WDFY2: variants seen among roughly 807,000 people sequenced by gnomAD.
WDFY2 encodes the protein WD repeat and FYVE domain-containing protein 2.
In WDFY2, 36 loss-of-function variants were observed where a neutral mutation model predicts 56.4. The observed-to-expected ratio is 0.64, with a 90% CI of 0.49 to 0.84. The LOEUF is 0.84. Among genes scored for constraint, WDFY2 ranks in the 40% least tolerant of loss-of-function variants. WDFY2 has a pLI of 0.00. For synonymous variants in WDFY2, 176 were observed against 183.7 expected, an observed-to-expected ratio of 0.96 and a Z score of 0.34; for missense variants, 444 against 512.2, an observed-to-expected ratio of 0.87 and a Z score of 1.29.
At chr13:51,585,047 C>T (rs1218656608) in intron 1 of WDFY2, among the ~76,000 whole-genome samples, 1 of 152,230 alleles carries the variant, frequency 6.6e-6, no homozygotes, top group Admixed American at 6.5e-5. Context: ...CCGGCTTCAC[C>T]CCGGGCTGGG....
intron 1 of WDFY2, among the ~76,000 whole-genome samples, chr13:51,643,412 T>C (rs1955211116): frequency 6.6e-6 from 1 of 152,214 alleles, no homozygotes; most frequent in African/African-American, 2.4e-5. Flanking sequence ...TGCCTGCCAC[T>C]GTAACTGGCT....
At chr13:51,693,370 C>G (rs1193156519) in intron 3 of WDFY2, among the ~76,000 whole-genome samples, 1 of 151,536 alleles carries the variant, frequency 6.6e-6, no homozygotes, top group Non-Finnish European at 1.5e-5. Context: ...CCCAGAGATT[C>G]TGGTATGTTG....
chr13:51,706,724 A>G (rs1011406448), intron 4 of WDFY2, among the ~76,000 whole-genome samples: 2 of 152,234 alleles, frequency 1.3e-5, no homozygotes, highest in Non-Finnish European at 2.9e-5. Context: ...GTTACTTGCT[A>G]GAAATCAATG....
intron 1 of WDFY2, among the ~76,000 whole-genome samples, chr13:51,611,717 C>T (rs934478319): frequency 2.0e-5 from 3 of 152,096 alleles, no homozygotes; most frequent in Admixed American, 1.3e-4. Context: ...ATTCCCTTTG[C>T]CAGGGGTTTG....
intron 7 of WDFY2, among the ~76,000 whole-genome samples, chr13:51,741,098 A>C (rs1952964065): frequency 6.6e-6 from 1 of 152,212 alleles, no homozygotes; most frequent in Non-Finnish European, 1.5e-5. Flanking sequence ...GAAAAATAAA[A>C]CTTTAACAAA....
At chr13:51,623,441 C>G (rs1954779692) in intron 1 of WDFY2, among the ~76,000 whole-genome samples, 1 of 152,018 alleles carries the variant, frequency 6.6e-6, no homozygotes, top group African/African-American at 2.4e-5. Context: ...ATGAGTTTAG[C>G]ACCTAATTCA....
intron 1 of WDFY2, among the ~76,000 whole-genome samples, chr13:51,658,767 C>G (rs968625349): frequency 6.6e-6 from 1 of 152,042 alleles, no homozygotes; most frequent in Non-Finnish European, 1.5e-5. Flanking sequence ...AAGTTATTTA[C>G]CATTGTATCT....
At chr13:51,671,887 G>T (rs1219229005) in intron 2 of WDFY2, among the ~76,000 whole-genome samples, 4 of 148,172 alleles carry the variant, frequency 2.7e-5, no homozygotes, top group African/African-American at 1.0e-4. Flanking sequence ...GGATTCAAGC[G>T]ATTCTCGTGC....
chr13:51,651,496 A>C (rs1406368716), intron 1 of WDFY2, among the ~76,000 whole-genome samples: 1 of 151,962 alleles, frequency 6.6e-6, no homozygotes, highest in Non-Finnish European at 1.5e-5. Flanking sequence ...TAGTTGTTTT[A>C]ATTGTGATGT....
intron 7 of WDFY2, among the ~76,000 whole-genome samples, chr13:51,744,482 G>A (rs550176299): frequency 3.3e-5 from 5 of 152,338 alleles, no homozygotes; most frequent in African/African-American, 1.2e-4. Context: ...CTCACACTTG[G>A]TTTAATGAGC....
chr13:51,675,990 G>T (rs907458391), intron 3 of WDFY2, among the ~76,000 whole-genome samples: 4 of 152,272 alleles, frequency 2.6e-5, no homozygotes, highest in East Asian at 3.9e-4. Context: ...GGCGAGAGAA[G>T]CCCTGCTTCA....
At chr13:51,702,068 T>C (rs1387948973) in intron 3 of WDFY2, among the ~76,000 whole-genome samples, 1 of 152,072 alleles carries the variant, frequency 6.6e-6, no homozygotes, top group Non-Finnish European at 1.5e-5. Flanking sequence ...TCCCAGCACT[T>C]TGGGAGGCCG....
intron 7 of WDFY2, among the ~76,000 whole-genome samples, chr13:51,750,650 T>TA (rs1953211848): frequency 6.6e-6 from 1 of 151,972 alleles, no homozygotes; most frequent in African/African-American, 2.4e-5. Flanking sequence ...AGATTCTCCA[T>TA]CATTTTTGCC....
intron 3 of WDFY2, among the ~76,000 whole-genome samples, chr13:51,683,442 G>A (rs773347824): frequency 2.0e-5 from 3 of 152,156 alleles, no homozygotes; most frequent in Non-Finnish European, 2.9e-5. Flanking sequence ...AACTAGAGGT[G>A]AACCATGGTT....
chr13:51,659,374 C>G (rs551371008), intron 1 of WDFY2, among the ~76,000 whole-genome samples: 1 of 152,302 alleles, frequency 6.6e-6, no homozygotes, highest in South Asian at 2.1e-4. Flanking sequence ...CTCAGTTTGT[C>G]ACTCTGCTTT....
chr13:51,614,186 C>CAAA lies in WDFY2; in HGVS notation c.137+29384_137+29386dup, dbSNP rs771044291. Among the ~76,000 whole-genome samples the CAAA allele has an allele frequency of 1.5e-3, 90 of 60,826 alleles. 1 individual carries two copies. The highest frequency in any genetic ancestry group is 5.4e-3 in the African/African-American group (77 of 14,316). The allele number at this position is 60,826 out of a possible 152,430, so 39.9% of individuals were successfully genotyped here. A position where few individuals can be genotyped will look rare whatever the true frequency, so the allele number is the denominator to read the frequency against. ...GGGCGACAGTGCGAGACTCGGTCTC[C>CAAA]AAAAAAAAAAAAAAAAAAAAAAAAG... On this transcript the variant is annotated intron_variant, in intron 1 of 11. Transcript: ENST00000298125.
chr13:51,620,881 T>TA (rs1284956227), intron 1 of WDFY2, among the ~76,000 whole-genome samples: 1 of 152,132 alleles, frequency 6.6e-6, no homozygotes, highest in Non-Finnish European at 1.5e-5. Flanking sequence ...TCTCATCCAC[T>TA]TCCTCTCTTG....
At chr13:51,696,040 T>C (rs1317374625) in intron 3 of WDFY2, among the ~76,000 whole-genome samples, 1 of 152,234 alleles carries the variant, frequency 6.6e-6, no homozygotes, top group Non-Finnish European at 1.5e-5. Context: ...AAGTGCAGTA[T>C]TGGGGTGGGA....
intron 7 of WDFY2, among the ~76,000 whole-genome samples, chr13:51,739,786 A>AAGC (rs1234729459): frequency 6.6e-6 from 1 of 152,160 alleles, no homozygotes; most frequent in Non-Finnish European, 1.5e-5. Context: ...CCTGTCTGCT[A>AAGC]AGATTCTGGT....
Sources: allele counts gnomAD v4.1 joint callset (sites outside exome capture counted in the v4.1 genomes callset), GRCh38; gene constraint gnomAD v4.1.1; transcripts MANE v1.5; gene names NCBI Gene and HGNC (gene_info 2026-07-23, HGNC 2026-07-21).